Variants in PRIM2 observed in about 807,000 individuals in gnomAD.
PRIM2 encodes DNA primase subunit 2.
A neutral mutation model predicts 67.3 loss-of-function variants in PRIM2; 39 were observed. That is an observed-to-expected ratio of 0.58 (90% CI 0.45 to 0.76). The LOEUF (loss-of-function observed/expected upper bound fraction) is 0.76, where lower values mean the gene tolerates loss of function less well. Ranked by LOEUF, PRIM2 falls within the 30% of genes least tolerant of loss-of-function variation. The pLI is 0.00. For missense variants in PRIM2, 398 were observed against 598.7 expected (o/e 0.66, Z 3.50); for synonymous variants, 143 against 198.7 (o/e 0.72, Z 2.36).
the PRIM2 span, among the ~76,000 whole-genome samples, chr6:57,293,149 A>G: frequency 1.3e-5 from 2 of 152,224 alleles, no homozygotes; most frequent in African/African-American, 4.8e-5. Context: ...ACAAGAAAAA[A>G]ACAACCCCAT....
At chr6:57,244,486 C>T in the PRIM2 span, among the ~76,000 whole-genome samples, 6 of 152,130 alleles carry the variant, frequency 3.9e-5, no homozygotes, top group Admixed American at 1.3e-4. Context: ...GTTGGCTGGG[C>T]GCGGTGGCTT....
At chr6:57,453,599 G>C (rs1279369396) in intron 7 of PRIM2, among the ~76,000 whole-genome samples, 2 of 152,118 alleles carry the variant, frequency 1.3e-5, no homozygotes, top group Non-Finnish European at 2.9e-5. Context: ...TCTGTTGTTG[G>C]TGTATAAGAA....
intron 7 of PRIM2, among the ~76,000 whole-genome samples, chr6:57,481,776 T>TCAA (rs1773635085): frequency 1.3e-5 from 2 of 152,232 alleles, no homozygotes; most frequent in African/African-American, 4.8e-5. Context: ...ATCACTGTTT[T>TCAA]ATTTTTGCTC....
At chr6:57,510,332 C>A (rs1554347583) in intron 8 of PRIM2, among the ~76,000 whole-genome samples, 1 of 152,040 alleles carries the variant, frequency 6.6e-6, no homozygotes, top group East Asian at 1.9e-4. Context: ...ATAAATCATA[C>A]TGTCAAAATT....
At chr6:57,496,514 C>T (rs1554346401) in intron 7 of PRIM2, among the ~76,000 whole-genome samples, 4 of 152,028 alleles carry the variant, frequency 2.6e-5, no homozygotes, top group Non-Finnish European at 4.4e-5. Flanking sequence ...AATTTATGTG[C>T]GTATTTAGGA....
intron 8 of PRIM2, among the ~76,000 whole-genome samples, chr6:57,524,794 A>C (rs1302959928): frequency 3.8e-4 from 58 of 152,298 alleles, no homozygotes; most frequent in African/African-American, 1.4e-3. Flanking sequence ...GCCTCAAAAT[A>C]AAACAAAAAC....
At chr6:57,523,455 G>T (rs1460571264) in intron 8 of PRIM2, among the ~76,000 whole-genome samples, 2 of 152,210 alleles carry the variant, frequency 1.3e-5, no homozygotes, top group Admixed American at 6.5e-5. Flanking sequence ...TACAGATGAA[G>T]AGAAGTTGCA....
At chr6:57,378,051 TTTCTTC>T (rs1235571126) in intron 5 of PRIM2, among the ~76,000 whole-genome samples, 1 of 151,782 alleles carries the variant, frequency 6.6e-6, no homozygotes, top group African/African-American at 2.4e-5. Flanking sequence ...CAGAAAGCTT[TTTCTTC>T]TTCTTCTTCT....
At chr6:57,452,470 G>C (rs1372187980) in intron 7 of PRIM2, among the ~76,000 whole-genome samples, 10 of 152,110 alleles carry the variant, frequency 6.6e-5, no homozygotes, top group Non-Finnish European at 1.3e-4. Flanking sequence ...TTTAATGATC[G>C]CCATTCTAAC....
intron 7 of PRIM2, among the ~76,000 whole-genome samples, chr6:57,415,486 T>G (rs796446898): frequency 2.2e-4 from 34 of 152,324 alleles, no homozygotes; most frequent in African/African-American, 7.9e-4. Flanking sequence ...TAAAAAATGC[T>G]AATGATCATC....
upstream of PRIM2, among the ~76,000 whole-genome samples, chr6:57,314,149 T>G (rs1188246499): frequency 2.0e-5 from 3 of 152,272 alleles, no homozygotes; most frequent in Non-Finnish European, 2.9e-5. Flanking sequence ...GGAGTCACAT[T>G]TGATTCAAAC....
At chr6:57,465,457 T>A (rs1436002476) in intron 7 of PRIM2, among the ~76,000 whole-genome samples, 1 of 152,136 alleles carries the variant, frequency 6.6e-6, no homozygotes, top group Non-Finnish European at 1.5e-5. Context: ...TGGTACAGAC[T>A]CTAGGGTTGT....
chr6:57,606,445 A>T lies in PRIM2; in HGVS notation c.1218A>T (p.Gly406=). The T allele has an allele frequency of 1.3e-6, 2 of 1,588,030 alleles. No individual in the cohort carries two copies. Among genetic ancestry groups the T allele is most frequent in the African/African-American group, 2.7e-5 (2 of 74,474 alleles). ...QKLQSYKISP[G]GISQILDLVK... Reference sequence around the variant, plus strand: ...TGCAGTCATACAAGATCTCTCCTGGAGGGATAAGCCAGGTAGGTCATATTC... The same window carrying T: ...TGCAGTCATACAAGATCTCTCCTGGTGGGATAAGCCAGGTAGGTCATATTC... Residue 406 remains glycine, a synonymous_variant, in exon 12 of 14, where the codon GGA becomes GGT. Transcript: ENST00000615550.
At chr6:57,375,244 A>G (rs1367536592) in intron 5 of PRIM2, among the ~76,000 whole-genome samples, 2 of 152,204 alleles carry the variant, frequency 1.3e-5, no homozygotes, top group African/African-American at 4.8e-5. Context: ...ATGTTCCTTC[A>G]ATACCCAGTT....
At chr6:57,474,884 A>C (rs1255607593) in intron 7 of PRIM2, among the ~76,000 whole-genome samples, 3 of 152,312 alleles carry the variant, frequency 2.0e-5, no homozygotes, top group African/African-American at 7.2e-5. Context: ...TTCAATGCTG[A>C]CACTGGCATA....
At chr6:57,618,249 A>T (rs1776788485) in intron 12 of PRIM2, among the ~76,000 whole-genome samples, 2 of 152,130 alleles carry the variant, frequency 1.3e-5, no homozygotes, top group African/African-American at 2.4e-5. Context: ...GAATTTGAGG[A>T]TCAACTTTTT....
chr6:57,614,319 A>G (rs1432736614), intron 12 of PRIM2, among the ~76,000 whole-genome samples: 5 of 152,242 alleles, frequency 3.3e-5, no homozygotes, highest in African/African-American at 7.2e-5. Context: ...ATTGTCTTCT[A>G]CGAAACTGGT....
At chr6:57,401,660 A>G (rs535905239) in intron 7 of PRIM2, among the ~76,000 whole-genome samples, 2 of 152,204 alleles carry the variant, frequency 1.3e-5, no homozygotes, top group South Asian at 4.2e-4. Flanking sequence ...GGACCTTAGT[A>G]GTGTTTGTGC....
At chr6:57,566,301 T>C in intron 10 of PRIM2, among the ~76,000 whole-genome samples, 1 of 152,224 alleles carries the variant, frequency 6.6e-6, no homozygotes, top group Non-Finnish European at 1.5e-5. Flanking sequence ...AGGAAGCATA[T>C]TGGGTAGCAG....
Sources: allele counts gnomAD v4.1 joint callset (sites outside exome capture counted in the v4.1 genomes callset), GRCh38; gene constraint gnomAD v4.1.1; transcripts MANE v1.5; gene names NCBI Gene and HGNC (gene_info 2026-07-23, HGNC 2026-07-21).